Variants in QSER1 observed in about 807,000 individuals in gnomAD.
QSER1 encodes glutamine and serine rich 1.
QSER1 carries 49 observed loss-of-function variants against 158.5 expected under a neutral mutation model. The observed-to-expected ratio is 0.31, with a 90% CI of 0.25 to 0.39. The LOEUF (loss-of-function observed/expected upper bound fraction) is 0.39. Ranked by LOEUF, QSER1 falls within the 10% of genes least tolerant of loss-of-function variation. The probability of loss-of-function intolerance (pLI) is 1.00; values close to 1 mark genes in which losing one functional copy is unlikely to be tolerated. For synonymous variants in QSER1, 650 were observed against 715.5 expected, an observed-to-expected ratio of 0.91 and a Z score of 1.46; for missense variants, 1,754 against 2,010.3, an observed-to-expected ratio of 0.87 and a Z score of 2.44.
Position 32,976,538 on chromosome 11 carries a change from G to A in QSER1, c.*64G>A. On this transcript the variant is annotated 3_prime_UTR_variant, in exon 13 of 13. Coordinates refer to ENST00000650167, the MANE Select transcript of QSER1 (RefSeq NM_001076786.3). ...AAATGGCAGATATGGGGTGGTCAAA[G>A]ATAATCAGATGTCAAGTAGTGGCCT... 8.4e-6 allele frequency: 13 copies of A among 1,552,780 alleles called. No individual in the cohort carries two copies. Among genetic ancestry groups the A allele is most frequent in the Non-Finnish European group, 1.1e-5 (13 of 1,137,946 alleles).
intron 4 of QSER1, among the ~76,000 whole-genome samples, chr11:32,941,885 C>T (rs1852244175): frequency 6.6e-6 from 1 of 151,670 alleles, no homozygotes; most frequent in Non-Finnish European, 1.5e-5. Flanking sequence ...ACATCCTCTC[C>T]AGCACCTGTT....
At chr11:32,952,617 A>C (rs1332222456) in intron 4 of QSER1, among the ~76,000 whole-genome samples, 1 of 152,160 alleles carries the variant, frequency 6.6e-6, no homozygotes, top group African/African-American at 2.4e-5. Flanking sequence ...GCCTCACAGA[A>C]TGAGTTGGGA....
chr11:32,911,931 T>C (rs1851772005), intron 1 of QSER1, among the ~76,000 whole-genome samples: 1 of 152,158 alleles, frequency 6.6e-6, no homozygotes, highest in Admixed American at 6.5e-5. Context: ...TTCAGTTGAG[T>C]TGCAAGGAAT....
At chr11:32,922,299 G>A (rs1184564549) in intron 1 of QSER1, among the ~76,000 whole-genome samples, 1 of 152,040 alleles carries the variant, frequency 6.6e-6, no homozygotes, top group Non-Finnish European at 1.5e-5. Flanking sequence ...CCGGGTGGGA[G>A]AAAATATTTG....
chr11:32,915,444 T>A (rs1851819342), intron 1 of QSER1, among the ~76,000 whole-genome samples: 1 of 152,026 alleles, frequency 6.6e-6, no homozygotes, highest in Non-Finnish European at 1.5e-5. Flanking sequence ...GTTTGTAAGG[T>A]GATGGTAAAA....
At chr11:32,919,324 T>A (rs866004116) in intron 1 of QSER1, among the ~76,000 whole-genome samples, 48 of 152,338 alleles carry the variant, frequency 3.2e-4, no homozygotes, top group African/African-American at 1.0e-3. Context: ...TATTGCTATG[T>A]TGCTCAGTCT....
chr11:32,933,265 T>C lies in QSER1; in HGVS notation c.2007T>C (p.Pro669=). 6.2e-7 allele frequency: 1 copy of C among 1,612,676 alleles called. No individual in the cohort carries two copies. Among genetic ancestry groups the C allele is most frequent in the South Asian group, 1.1e-5 (1 of 90,704 alleles). The change falls in exon 4 of 13, where the codon CCT becomes CCC. Residue 669 remains proline (P), a synonymous_variant. Transcript: ENST00000650167. ...CATTACAAAATAACATAACTTCCCC[T>C]GACCCAAAGTCTTATGCTGAAAGAA... ...CQTLQNNITS[P]DPKSYAERKL...
intron 4 of QSER1, among the ~76,000 whole-genome samples, chr11:32,937,035 A>G (rs762133728): frequency 3.3e-5 from 5 of 152,178 alleles, no homozygotes; most frequent in Non-Finnish European, 5.9e-5. Context: ...TGCAATCGCT[A>G]TTATATTCCC....
rs753172975 is a variant in QSER1, at chr11:32,973,372, G to A, written c.5206-25G>A. Reference sequence around the variant, plus strand: ...TTAGGTTAGTTTTCTTCTGGTGTCAGTTATTTTGCTTCATTGTTTTCCAGA... The same window carrying A: ...TTAGGTTAGTTTTCTTCTGGTGTCAATTATTTTGCTTCATTGTTTTCCAGA... On this transcript the variant is annotated intron_variant, in intron 10 of 12. Transcript: ENST00000650167. 21 of 1,611,288 alleles carry A rather than the reference G, an allele frequency of 1.3e-5. No individual in the cohort carries two copies. The African/African-American group carries it at 2.3e-4, about 17-fold the overall frequency.
rs558790438 is a variant in QSER1 at position 32,979,576 on chromosome 11, A to G, written c.*3102A>G. 46 of 152,306 alleles carry G rather than the reference A, an allele frequency of 3.0e-4. No individual in the cohort carries two copies. Among genetic ancestry groups the G allele is most frequent in the African/African-American group, 8.9e-4 (37 of 41,570 alleles). The allele number at this position is 152,306 out of a possible 1,614,324, so 9.4% of individuals were successfully genotyped here. A position where few individuals can be genotyped will look rare whatever the true frequency, so the allele number is the denominator to read the frequency against. On this transcript the variant is annotated 3_prime_UTR_variant, in exon 13 of 13. Coordinates refer to ENST00000650167, the MANE Select transcript of QSER1 (RefSeq NM_001076786.3). ...AATAGGAAACATTGGAAAGATGGGG[A>G]AAAAAATCTTATTTTAAAATGGCTT...
intron 1 of QSER1, among the ~76,000 whole-genome samples, chr11:32,918,823 C>A (rs546868493): frequency 8.5e-5 from 13 of 152,126 alleles, no homozygotes; most frequent in Middle Eastern, 6.8e-3. Flanking sequence ...TAAATTAGAT[C>A]AATAATTATT....
chr11:32,964,731 T>TACACACAC lies in QSER1; in HGVS notation c.4970-1568_4970-1567insCACACACA, dbSNP rs1356506353. On this transcript the variant is annotated intron_variant, in intron 8 of 12. Coordinates refer to ENST00000650167, the MANE Select transcript of QSER1 (RefSeq NM_001076786.3). ...AAAAAAAACACCATATATATATATATATATATATACACACACACACACACA... is the reference window on the plus strand; with the variant it reads ...AAAAAAAACACCATATATATATATATACACACACATATATATACACACACACACACACA... Among the ~76,000 whole-genome samples the TACACACAC allele has an allele frequency of 2.4e-3, 268 of 113,040 alleles. 1 individual carries two copies. Among genetic ancestry groups the TACACACAC allele is most frequent in the Admixed American group, 3.6e-3 (40 of 11,256 alleles). 74.2% of individuals were successfully genotyped at this position (113,040 alleles called of 152,430 possible).
intron 1 of QSER1, among the ~76,000 whole-genome samples, chr11:32,905,874 C>T (rs140516239): frequency 6.6e-6 from 1 of 152,064 alleles, no homozygotes; most frequent in Non-Finnish European, 1.5e-5. Flanking sequence ...TTGCTCTTAA[C>T]AGATATGCTT....
intron 1 of QSER1, among the ~76,000 whole-genome samples, chr11:32,911,072 T>C (rs533578263): frequency 6.6e-6 from 1 of 152,248 alleles, no homozygotes; most frequent in Non-Finnish European, 1.5e-5. Flanking sequence ...ACTGCAGCAG[T>C]TAGTCCTCCT....
At chr11:32,914,099 G>A (rs1851803643) in intron 1 of QSER1, among the ~76,000 whole-genome samples, 1 of 152,212 alleles carries the variant, frequency 6.6e-6, no homozygotes, top group African/African-American at 2.4e-5. Flanking sequence ...ATAGGTATAT[G>A]CTAGAGTTCC....
rs564911726 is a variant in QSER1, at chr11:32,932,094, G to C, written c.836G>C (p.Ser279Thr). Residue 279 changes from serine (S) to threonine (T), a missense_variant, in exon 4 of 13, where the codon AGT becomes ACT. By Grantham distance (58) the Ser-to-Thr change is moderately conservative. Transcript: ENST00000650167. ...CCCCATCTTTTACAACCTCAATTTA[G>C]TTTGTTGCCTTCAGCACTTGGGGGA... Reference protein sequence around the residue: ...SAPHLLQPQFSLLPSALGGSQ... With the variant: ...SAPHLLQPQFTLLPSALGGSQ... 6.2e-7 allele frequency: 1 copy of C among 1,614,130 alleles called. No homozygotes were observed. Among genetic ancestry groups the C allele is most frequent in the African/African-American group, 1.3e-5 (1 of 75,042 alleles).
At chr11:32,927,099 T>G (rs758990152) in intron 1 of QSER1, 58 bp from the exon 2 acceptor site, 4 of 152,664 alleles carry the variant, frequency 2.6e-5, no homozygotes, top group Non-Finnish European at 4.4e-5. Context: ...TCTAGAAGTT[T>G]TTTTTATCAG....
At chr11:32,905,767 C>A (rs1012240576) in intron 1 of QSER1, among the ~76,000 whole-genome samples, 9 of 151,886 alleles carry the variant, frequency 5.9e-5, no homozygotes, top group Admixed American at 5.9e-4. Flanking sequence ...TCTAGTATAC[C>A]AGCTAATTAA....
chr11:32,912,444 T>C (rs1851778691), intron 1 of QSER1, among the ~76,000 whole-genome samples: 1 of 152,192 alleles, frequency 6.6e-6, no homozygotes, highest in African/African-American at 2.4e-5. Flanking sequence ...TTCTGCACAG[T>C]ATTTATCAGA....
Sources: gnomAD v4.1 joint callset for allele counts (sites outside exome capture counted in the v4.1 genomes callset) on GRCh38, gnomAD v4.1.1 for gene constraint, MANE v1.5 for transcripts, NCBI Gene and HGNC (gene_info 2026-07-23, HGNC 2026-07-21) for gene names.